The following FAM184A variants were observed in gnomAD, a reference collection of about 807,000 sequenced individuals.
FAM184A encodes protein FAM184A.
Under a neutral mutation model 143.8 loss-of-function variants are expected in FAM184A, and 99 were observed. The ratio of observed to expected loss-of-function variants is 0.69; its 90% CI spans 0.58 to 0.81. FAM184A has a LOEUF of 0.81. Ranked by LOEUF, FAM184A falls within the 40% of genes least tolerant of loss-of-function variation. The pLI is 0.00. For synonymous variants in FAM184A, 427 were observed against 446.4 expected, an observed-to-expected ratio of 0.96 and a Z score of 0.55; for missense variants, 1,217 against 1,310.5, an observed-to-expected ratio of 0.93 and a Z score of 1.10.
At chr6:118,981,223 C>T (rs543311389) in intron 9 of FAM184A, among the ~76,000 whole-genome samples, 1 of 152,040 alleles carries the variant, frequency 6.6e-6, no homozygotes, top group Non-Finnish European at 1.5e-5. Flanking sequence ...GTATTATATA[C>T]GTTCATATAT....
At chr6:119,070,997 C>G (rs189823889) in intron 1 of FAM184A, among the ~76,000 whole-genome samples, 2 of 152,086 alleles carry the variant, frequency 1.3e-5, no homozygotes, top group Non-Finnish European at 2.9e-5. Flanking sequence ...CTCCTATTTT[C>G]TTCCACAAAC....
intron 1 of FAM184A, among the ~76,000 whole-genome samples, chr6:119,112,433 T>A (rs1788957504): frequency 6.6e-6 from 1 of 152,246 alleles, no homozygotes; most frequent in African/African-American, 2.4e-5. Flanking sequence ...TAGCCTTGAA[T>A]GATCATACTT....
chr6:118,993,329 A>G (rs1325400749), intron 9 of FAM184A, among the ~76,000 whole-genome samples: 1 of 152,256 alleles, frequency 6.6e-6, no homozygotes, highest in Admixed American at 6.5e-5. Flanking sequence ...AAAATTTACA[A>G]TAACTAAAAA....
At chr6:119,123,170 T>C (rs1400637278) in intron 1 of FAM184A, among the ~76,000 whole-genome samples, 2 of 151,744 alleles carry the variant, frequency 1.3e-5, no homozygotes, top group African/African-American at 2.4e-5. Flanking sequence ...GGCAGATCAC[T>C]TGAGGTCAGA....
intron 1 of FAM184A, among the ~76,000 whole-genome samples, chr6:119,072,351 A>G (rs1288627915): frequency 1.3e-5 from 2 of 152,226 alleles, no homozygotes; most frequent in Non-Finnish European, 2.9e-5. Context: ...CAAAGCTACA[A>G]TGTAACAAAG....
intron 1 of FAM184A, among the ~76,000 whole-genome samples, chr6:119,085,990 G>A (rs1788212126): frequency 6.6e-6 from 1 of 151,988 alleles, no homozygotes; most frequent in Non-Finnish European, 1.5e-5. Flanking sequence ...TGAGAACTTT[G>A]CCCTCATGAT....
At chr6:119,129,951 T>C (rs1789489612) in intron 1 of FAM184A, among the ~76,000 whole-genome samples, 1 of 152,142 alleles carries the variant, frequency 6.6e-6, no homozygotes. Flanking sequence ...TACTTAATTA[T>C]ATAAACTTTA....
At chr6:118,970,936 AAAAAG>A (rs751618539) in intron 14 of FAM184A, among the ~76,000 whole-genome samples, 10 of 152,210 alleles carry the variant, frequency 6.6e-5, no homozygotes, top group Non-Finnish European at 1.0e-4. Flanking sequence ...TCTTGTTAAG[AAAAAG>A]AAAAGGATAA....
intron 1 of FAM184A, among the ~76,000 whole-genome samples, chr6:119,050,577 C>T (rs1786717272): frequency 1.3e-5 from 2 of 150,854 alleles, no homozygotes; most frequent in African/African-American, 2.4e-5. Flanking sequence ...GAGGCTGAGG[C>T]GGGTGGATCA....
upstream of FAM184A, among the ~76,000 whole-genome samples, chr6:119,081,372 G>T (rs962736021): frequency 6.6e-6 from 1 of 152,154 alleles, no homozygotes; most frequent in Non-Finnish European, 1.5e-5. Context: ...CTTCTTTAGT[G>T]CCCCGCTGCT....
intron 9 of FAM184A, among the ~76,000 whole-genome samples, chr6:118,982,909 A>T (rs905321794): frequency 8.5e-5 from 13 of 152,212 alleles, no homozygotes; most frequent in Non-Finnish European, 4.4e-5. Context: ...TTACATTGTA[A>T]TATACTTTAC....
intron 1 of FAM184A, among the ~76,000 whole-genome samples, chr6:119,066,753 T>C (rs1298400177): frequency 6.6e-6 from 1 of 152,220 alleles, no homozygotes; most frequent in Non-Finnish European, 1.5e-5. Context: ...GGGTTCCTTT[T>C]TCTGATAATT....
chr6:119,096,656 A>AAAT lies in FAM184A; in HGVS notation c.-202+52421_-202+52422insATT, dbSNP rs1582612449. On this transcript the variant is annotated intron_variant, in intron 1 of 16. Coordinates refer to the FAM184A transcript ENST00000352896. ...AGACTCCATCTCAAAAAAAAAAAAAAAAAAAAAAAAAGAAAGAAAGAAAAG... is the reference window on the plus strand; with the variant it reads ...AGACTCCATCTCAAAAAAAAAAAAAAAATAAAAAAAAAAAGAAAGAAAGAAAAG... Among the ~76,000 whole-genome samples, 6 of 31,198 alleles carry AAAT rather than the reference A, an allele frequency of 1.9e-4. 2 individuals are homozygous for AAAT. In the East Asian group the frequency reaches 0.015, roughly 79 times the overall value. 20.5% of individuals were successfully genotyped at this position (31,198 alleles called of 152,430 possible). A position where few individuals can be genotyped will look rare whatever the true frequency, so the allele number is the denominator to read the frequency against.
At chr6:119,081,569 G>T (rs1484271865), upstream of FAM184A, among the ~76,000 whole-genome samples, 1 of 152,240 alleles carries the variant, frequency 6.6e-6, no homozygotes, top group East Asian at 1.9e-4. Flanking sequence ...CACAAGGACA[G>T]AGGGCTTTCT....
chr6:119,063,434 A>G (rs547134183), intron 1 of FAM184A, among the ~76,000 whole-genome samples: 32 of 152,352 alleles, frequency 2.1e-4, no homozygotes, highest in African/African-American at 7.7e-4. Context: ...TGTCTTAGGC[A>G]GTTAGTCTTA....
intron 1 of FAM184A, among the ~76,000 whole-genome samples, chr6:119,064,499 G>C (rs1249807672): frequency 6.6e-6 from 1 of 152,142 alleles, no homozygotes; most frequent in Non-Finnish European, 1.5e-5. Context: ...CCAGAAGTTT[G>C]AGATCAGCCT....
At chr6:119,079,350 T>G (rs1787994997), upstream of FAM184A, among the ~76,000 whole-genome samples, 1 of 152,106 alleles carries the variant, frequency 6.6e-6, no homozygotes, top group Non-Finnish European at 1.5e-5. Flanking sequence ...TGAAACTACT[T>G]GGCTGGAAAT....
At chr6:119,037,211 T>C (rs1042647568) in intron 1 of FAM184A, among the ~76,000 whole-genome samples, 3 of 152,222 alleles carry the variant, frequency 2.0e-5, no homozygotes, top group African/African-American at 7.2e-5. Flanking sequence ...AAGACAGATT[T>C]TTTTCTTTCA....
chr6:118,970,579 C>T (rs994295675), intron 14 of FAM184A, among the ~76,000 whole-genome samples: 1 of 151,844 alleles, frequency 6.6e-6, no homozygotes, highest in African/African-American at 2.4e-5. Flanking sequence ...AAATAATATA[C>T]GTAGCCAGAA....
Sources: allele counts gnomAD v4.1 joint callset (sites outside exome capture counted in the v4.1 genomes callset), GRCh38; gene constraint gnomAD v4.1.1; transcripts MANE v1.5; gene names NCBI Gene and HGNC (gene_info 2026-07-23, HGNC 2026-07-21).